The following PAPPA2 variants were observed in gnomAD, a reference collection of about 807,000 sequenced individuals.
PAPPA2 encodes the protein pappalysin-2.
Under a neutral mutation model 176.4 loss-of-function variants are expected in PAPPA2, and 86 were observed. That is an observed-to-expected ratio of 0.49 (90% confidence interval 0.41 to 0.58). PAPPA2 has a LOEUF of 0.58. Among genes scored for constraint, PAPPA2 ranks in the 20% least tolerant of loss-of-function variants. PAPPA2 has a pLI of 0.00. For synonymous variants in PAPPA2, 809 were observed against 852.2 expected (o/e 0.95, Z 0.88); for missense variants, 2,073 against 2,256.9 (o/e 0.92, Z 1.65).
At chr1:176,601,218 T>C (rs1654300919) in intron 3 of PAPPA2, among the ~76,000 whole-genome samples, 1 of 152,196 alleles carries the variant, frequency 6.6e-6, no homozygotes, top group Non-Finnish European at 1.5e-5. Context: ...TGCAATGTGA[T>C]GATGAAGCAA....
At chr1:176,702,826 C>T (rs1175865298) in intron 9 of PAPPA2, 91 bp downstream of exon 9, 3 of 1,483,228 alleles carry the variant, frequency 2.0e-6, no homozygotes, top group Non-Finnish European at 1.8e-6. Context: ...AGCAGGGACA[C>T]TGTTCTCTAA....
At chr1:176,787,363 T>C (rs1664985421) in intron 17 of PAPPA2, among the ~76,000 whole-genome samples, 1 of 151,952 alleles carries the variant, frequency 6.6e-6, no homozygotes, top group African/African-American at 2.4e-5. Context: ...GCCTCCCCAG[T>C]AGCTGGGACT....
intron 3 of PAPPA2, among the ~76,000 whole-genome samples, chr1:176,599,334 A>G (rs541639050): frequency 1.3e-5 from 2 of 152,142 alleles, no homozygotes; most frequent in South Asian, 2.1e-4. Flanking sequence ...ACACTGTTCA[A>G]TTTGGACACT....
chr1:176,749,352 C>T (rs1288137381), intron 14 of PAPPA2, among the ~76,000 whole-genome samples: 2 of 152,190 alleles, frequency 1.3e-5, no homozygotes, highest in African/African-American at 2.4e-5. Flanking sequence ...TTCCCATACA[C>T]CCAATGATCC....
At chr1:176,808,838 T>G (rs192298328) in intron 21 of PAPPA2, among the ~76,000 whole-genome samples, 35 of 152,272 alleles carry the variant, frequency 2.3e-4, no homozygotes, top group African/African-American at 8.2e-4. Context: ...GAAGTGAGGT[T>G]TCCCAGTCTA....
intron 14 of PAPPA2, among the ~76,000 whole-genome samples, chr1:176,748,814 A>G (rs1663035232): frequency 6.6e-6 from 1 of 152,176 alleles, no homozygotes; most frequent in South Asian, 2.1e-4. Context: ...GTAGCCTACG[A>G]GCAGTAGGCT....
chr1:176,471,648 C>T (rs1339546202), intron 1 of PAPPA2, among the ~76,000 whole-genome samples: 1 of 152,186 alleles, frequency 6.6e-6, no homozygotes, highest in Non-Finnish European at 1.5e-5. Context: ...ACTTTTCTTT[C>T]ACCACAACTT....
chr1:176,500,345 A>C (rs1213507236), intron 1 of PAPPA2, among the ~76,000 whole-genome samples: 1 of 151,846 alleles, frequency 6.6e-6, no homozygotes, highest in African/African-American at 2.4e-5. Flanking sequence ...AAAAGGAAAA[A>C]GTGACTTTAG....
chr1:176,610,819 T>C (rs1654877964), intron 3 of PAPPA2, among the ~76,000 whole-genome samples: 1 of 152,236 alleles, frequency 6.6e-6, no homozygotes, highest in Non-Finnish European at 1.5e-5. Context: ...CATCTCATTC[T>C]ATTTATTTAT....
intron 14 of PAPPA2, among the ~76,000 whole-genome samples, chr1:176,748,652 G>C (rs185792357): frequency 1.6e-3 from 249 of 152,262 alleles, no homozygotes; most frequent in Non-Finnish European, 3.1e-3. Flanking sequence ...CTCAATGAAA[G>C]ACTGTATATA....
Position 176,550,197 on chromosome 1 carries a change from T to C in PAPPA2, c.-916-5210T>C, listed in dbSNP as rs569707917. On this transcript the variant is annotated intron_variant, in intron 1 of 22. Transcript: ENST00000367662. ...TGTCTGCAGGTCTGTGGGTAAGTAG[T>C]TTAACCTGTTTCAGCCTCAGTGTCC... is the stretch of plus-strand genomic sequence containing the variant. Among the ~76,000 whole-genome samples the C allele has an allele frequency of 2.6e-5, 4 of 152,354 alleles. No homozygotes were observed. The South Asian group carries it at 8.3e-4, about 32-fold the overall frequency.
At chr1:176,529,472 C>T (rs1263546251) in intron 1 of PAPPA2, among the ~76,000 whole-genome samples, 3 of 151,940 alleles carry the variant, frequency 2.0e-5, no homozygotes, top group Non-Finnish European at 4.4e-5. Flanking sequence ...TCACCGAGAT[C>T]CACACTTTGA....
intron 12 of PAPPA2, among the ~76,000 whole-genome samples, chr1:176,717,275 A>G (rs1661420334): frequency 6.6e-6 from 1 of 152,118 alleles, no homozygotes; most frequent in Non-Finnish European, 1.5e-5. Flanking sequence ...ATGGCAATAA[A>G]AGTGACCTCT....
intron 20 of PAPPA2, among the ~76,000 whole-genome samples, chr1:176,796,402 C>G (rs1285876671): frequency 6.6e-6 from 1 of 152,196 alleles, no homozygotes; most frequent in Non-Finnish European, 1.5e-5. Flanking sequence ...TGGCAGAACT[C>G]TGTGCCCTGA....
chr1:176,642,032 G>A (rs1657123568), intron 3 of PAPPA2, among the ~76,000 whole-genome samples: 1 of 152,026 alleles, frequency 6.6e-6, no homozygotes, highest in Admixed American at 6.6e-5. Context: ...TTGTGAAGCA[G>A]AAAGATTTCA....
intron 1 of PAPPA2, among the ~76,000 whole-genome samples, chr1:176,473,184 C>T (rs4652178): frequency 0.031 from 4,645 of 152,274 alleles, 113 homozygotes; most frequent in Middle Eastern, 0.072. Context: ...ACCTATTCAT[C>T]CTTCCCTCCT....
Position 176,789,760 on chromosome 1 carries a change from A to G in PAPPA2, c.4716-49A>G, listed in dbSNP as rs1489781019. The G allele has an allele frequency of 2.6e-6, 4 of 1,557,712 alleles. No homozygotes were observed. The South Asian group carries it at 3.5e-5, about 14-fold the overall frequency. ...ATTGCTGAGGATCAAGTCTTTCATG[A>G]CCTTCTTGAAAGATTCTGATGAGCT... On this transcript the variant is annotated intron_variant, in intron 17 of 22. Coordinates refer to ENST00000367662, the MANE Select transcript of PAPPA2 (RefSeq NM_020318.3).
chr1:176,586,499 G>A (rs1163902069), intron 2 of PAPPA2, among the ~76,000 whole-genome samples: 2 of 152,062 alleles, frequency 1.3e-5, no homozygotes, highest in Admixed American at 6.5e-5. Context: ...GTGTCCATGT[G>A]TTCTCAATGG....
At chr1:176,519,272 A>C (rs1229048528) in intron 1 of PAPPA2, among the ~76,000 whole-genome samples, 2 of 152,184 alleles carry the variant, frequency 1.3e-5, no homozygotes, top group African/African-American at 4.8e-5. Flanking sequence ...CAGTAGTAGT[A>C]GTGTGCACAG....
Sources: gnomAD v4.1 joint callset for allele counts (sites outside exome capture counted in the v4.1 genomes callset) on GRCh38, gnomAD v4.1.1 for gene constraint, MANE v1.5 for transcripts, NCBI Gene and HGNC (gene_info 2026-07-23, HGNC 2026-07-21) for gene names.